Variants in KLHL18 observed in about 807,000 individuals in gnomAD.
The protein encoded by KLHL18 is kelch like family member 18.
Under a neutral mutation model 58.5 loss-of-function variants are expected in KLHL18, and 38 were observed. The observed-to-expected ratio is 0.65, with a 90% confidence interval of 0.50 to 0.85. The LOEUF is 0.85. Among genes scored for constraint, KLHL18 ranks in the 40% least tolerant of loss-of-function variants. The pLI is 0.00. For missense variants in KLHL18, 624 were observed against 778.4 expected (o/e 0.80, Z 2.36); for synonymous variants, 303 against 301.9 (o/e 1.00, Z -0.04).
In KLHL18 at chr3:47,316,201, AACCAAT is replaced by A. The variant is rs1703417851; in HGVS notation, c.130-3446_130-3441del. Among the ~76,000 whole-genome samples the A allele has an allele frequency of 2.6e-5, 4 of 152,092 alleles. No homozygotes were observed. The South Asian group carries it at 8.3e-4, about 31-fold the overall frequency. ...AGATTGATACAGCACAATAAAAGAA[AACCAAT>A]ACCAAGATACAATACTGTGAAATTT... is the stretch of plus-strand genomic sequence containing the variant. On this transcript the variant is annotated intron_variant, in intron 1 of 9. Coordinates refer to ENST00000232766, the MANE Select transcript of KLHL18 (RefSeq NM_025010.5).
At chr3:47,306,321 G>T (rs1703147693) in intron 1 of KLHL18, among the ~76,000 whole-genome samples, 1 of 151,956 alleles carries the variant, frequency 6.6e-6, no homozygotes, top group East Asian at 1.9e-4. Context: ...GGATTCATGG[G>T]TTTATTTTCC....
chr3:47,284,244 C>G (rs1702593215), intron 1 of KLHL18, among the ~76,000 whole-genome samples: 1 of 150,922 alleles, frequency 6.6e-6, no homozygotes, highest in Non-Finnish European at 1.5e-5. Flanking sequence ...CTATTTCTCT[C>G]TGTCTCTCTC....
chr3:47,304,414 G>T (rs1703094517), intron 1 of KLHL18, among the ~76,000 whole-genome samples: 1 of 152,010 alleles, frequency 6.6e-6, no homozygotes, highest in Non-Finnish European at 1.5e-5. Flanking sequence ...GAGGTAGGAG[G>T]ATTGCATGAG....
chr3:47,332,046 C>T (rs560862514), intron 4 of KLHL18, among the ~76,000 whole-genome samples: 3 of 152,170 alleles, frequency 2.0e-5, no homozygotes, highest in South Asian at 4.1e-4. Context: ...GGATGAGGGA[C>T]GAAGGTTAGA....
intron 1 of KLHL18, 23 bp from the exon 2 acceptor site, chr3:47,319,629 CT>C: frequency 6.2e-7 from 1 of 1,609,068 alleles, no homozygotes; most frequent in South Asian, 1.1e-5. Context: ...CAATATCTGT[CT>C]TTGTATTTTA....
intron 1 of KLHL18, among the ~76,000 whole-genome samples, chr3:47,293,433 A>G (rs115662645): frequency 3.3e-4 from 50 of 152,316 alleles, no homozygotes; most frequent in African/African-American, 1.2e-3. Context: ...ATCTGATGCT[A>G]AGGAGTAATC....
Position 47,300,287 on chromosome 3 carries a change from T to TTATATATATATATATATATA in KLHL18, c.129+17197_129+17216dup, listed in dbSNP as rs1207306389. The stretch of plus-strand genomic sequence containing the variant: ...ATTCTTTTGCATCCTCACCGGCATT[T>TTATATATATATATATATATA]TATATATATATATATATATATATGT... On this transcript the variant is annotated intron_variant, in intron 1 of 9. Coordinates refer to ENST00000232766, the MANE Select transcript of KLHL18 (RefSeq NM_025010.5). 2.3e-3 allele frequency among the ~76,000 whole-genome samples: 310 copies of TTATATATATATATATATATA among 133,044 alleles called. 2 individuals are homozygous for TTATATATATATATATATATA. The highest frequency in any genetic ancestry group is 3.7e-3 in the Middle Eastern group (1 of 270). The allele number at this position is 133,044 out of a possible 152,430, so 87.3% of individuals were successfully genotyped here.
intron 1 of KLHL18, among the ~76,000 whole-genome samples, chr3:47,302,917 C>T (rs999968609): frequency 3.9e-5 from 6 of 152,210 alleles, no homozygotes; most frequent in African/African-American, 4.8e-5. Context: ...TCTTGAATGT[C>T]TTCCTTGTTG....
intron 3 of KLHL18, among the ~76,000 whole-genome samples, chr3:47,326,348 C>T (rs1703721993): frequency 6.6e-6 from 1 of 152,202 alleles, no homozygotes; most frequent in African/African-American, 2.4e-5. Flanking sequence ...GTCACCGCTT[C>T]CTGCCTCTGA....
At chr3:47,312,882 A>G (rs139792483) in intron 1 of KLHL18, among the ~76,000 whole-genome samples, 37 of 151,042 alleles carry the variant, frequency 2.4e-4, no homozygotes, top group African/African-American at 8.7e-4. Flanking sequence ...AAGATAATTC[A>G]GTGAAATCAC....
chr3:47,316,803 A>G (rs1158933997), intron 1 of KLHL18, among the ~76,000 whole-genome samples: 1 of 148,250 alleles, frequency 6.7e-6, no homozygotes, highest in African/African-American at 2.5e-5. Context: ...GTGTATATAT[A>G]TACATATATA....
At chr3:47,298,776 A>G (rs944339126) in intron 1 of KLHL18, among the ~76,000 whole-genome samples, 1 of 152,098 alleles carries the variant, frequency 6.6e-6, no homozygotes, top group Non-Finnish European at 1.5e-5. Flanking sequence ...TCATTTTGAA[A>G]CTGTTATATA....
chr3:47,314,034 AT>A (rs1703367513), intron 1 of KLHL18, among the ~76,000 whole-genome samples: 1 of 152,082 alleles, frequency 6.6e-6, no homozygotes, highest in East Asian at 1.9e-4. Flanking sequence ...AAAAAATGAC[AT>A]TTTATTTTAT....
chr3:47,321,346 GTTTTGTTTTTTTTTT>G (rs1703582441), intron 2 of KLHL18, among the ~76,000 whole-genome samples: 1 of 142,092 alleles, frequency 7.0e-6, no homozygotes, highest in East Asian at 2.3e-4. Context: ...GTTTTGTTTT[GTTTTGTTTTTTTTTT>G]TTTGAGATGG....
At chr3:47,300,287 TTATATATA>T (rs1207306389) in intron 1 of KLHL18, among the ~76,000 whole-genome samples, 2 of 133,136 alleles carry the variant, frequency 1.5e-5, no homozygotes, top group African/African-American at 2.7e-5. Flanking sequence ...CACCGGCATT[TTATATATA>T]TATATATATA....
In KLHL18 at chr3:47,323,708, A is replaced by C. The variant is rs144055565; in HGVS notation, c.401+1000A>C. Among the ~76,000 whole-genome samples the C allele has an allele frequency of 1.1e-3, 167 of 152,194 alleles. 2 individuals are homozygous for C. Among genetic ancestry groups the C allele is most frequent in the African/African-American group, 3.8e-3 (157 of 41,520 alleles). ...GCCACAGACAGGCAGGAGGACCCCA[A>C]ACAGCACCCCTGTGTCTATGGTGCT... On this transcript the variant is annotated intron_variant, in intron 3 of 9. Transcript: ENST00000232766.
At chr3:47,309,326 C>G (rs535859863) in intron 1 of KLHL18, among the ~76,000 whole-genome samples, 1 of 152,328 alleles carries the variant, frequency 6.6e-6, no homozygotes, top group South Asian at 2.1e-4. Context: ...AGGGGCTCCT[C>G]ACTTCCCAGA....
Position 47,342,659 on chromosome 3 carries a change from T to C in KLHL18, c.1227-60T>C, listed in dbSNP as rs528530790. Reference sequence around the variant, plus strand: ...TTCACCTAAACCCTGCTAGGCTGTCTTGAGGGAACAAGAACCCTGAATCTC... The same window carrying C: ...TTCACCTAAACCCTGCTAGGCTGTCCTGAGGGAACAAGAACCCTGAATCTC... On this transcript the variant is annotated intron_variant, in intron 8 of 9. Coordinates refer to ENST00000232766, the MANE Select transcript of KLHL18 (RefSeq NM_025010.5). The C allele has an allele frequency of 1.7e-5, 24 of 1,418,936 alleles. No individual in the cohort carries two copies. The Admixed American group carries it at 2.6e-4, about 15-fold the overall frequency. 87.9% of individuals were successfully genotyped at this position (1,418,936 alleles called of 1,614,324 possible).
chr3:47,339,700 T>C (rs927238133), intron 7 of KLHL18, among the ~76,000 whole-genome samples: 2 of 152,130 alleles, frequency 1.3e-5, no homozygotes, highest in Non-Finnish European at 1.5e-5. Context: ...ATCATACTTA[T>C]CACTGTGAGG....
Sources: allele counts gnomAD v4.1 joint callset (sites outside exome capture counted in the v4.1 genomes callset), GRCh38; gene constraint gnomAD v4.1.1; transcripts MANE v1.5; gene names NCBI Gene and HGNC (gene_info 2026-07-23, HGNC 2026-07-21).